The following LOC400499 variants were observed in gnomAD, a reference collection of about 807,000 sequenced individuals.
At chr16:11,392,723 T>C in the LOC400499 span, 1 of 960,344 alleles carries the variant, frequency 1.0e-6, no homozygotes, top group Non-Finnish European at 1.2e-6. Context: ...GCCATAAGGC[T>C]TCAGGGGGTT....
chr16:11,448,611 T>G, the LOC400499 span, among the ~76,000 whole-genome samples: 6 of 152,172 alleles, frequency 3.9e-5, no homozygotes, highest in Non-Finnish European at 8.8e-5. Context: ...CCTATAGTTC[T>G]AACTACTTAG....
chr16:11,426,721 G>T, the LOC400499 span, among the ~76,000 whole-genome samples: 1 of 151,160 alleles, frequency 6.6e-6, no homozygotes, highest in Non-Finnish European at 1.5e-5. Context: ...TTAAGCTCAG[G>T]CATTCCAGAC....
chr16:11,463,623 C>T, the LOC400499 span, among the ~76,000 whole-genome samples: 4 of 152,004 alleles, frequency 2.6e-5, no homozygotes, highest in Non-Finnish European at 5.9e-5. Context: ...TGAATGTATG[C>T]ATACAGATAT....
At chr16:11,503,564 G>A in the LOC400499 span, among the ~76,000 whole-genome samples, 2 of 152,324 alleles carry the variant, frequency 1.3e-5, no homozygotes, top group East Asian at 1.9e-4. Context: ...GTCCTCCGAG[G>A]CTGGGACCTG....
chr16:11,388,280 A>G, the LOC400499 span, among the ~76,000 whole-genome samples: 2 of 152,152 alleles, frequency 1.3e-5, no homozygotes, highest in African/African-American at 4.8e-5. Flanking sequence ...CAGCCAAGCC[A>G]AACCCCGCCC....
At chr16:11,468,002 C>T in the LOC400499 span, among the ~76,000 whole-genome samples, 3 of 152,106 alleles carry the variant, frequency 2.0e-5, no homozygotes, top group South Asian at 4.1e-4. Context: ...AGACAGAAGA[C>T]CACCTCCAAG....
chr16:11,462,930 G>C, the LOC400499 span, among the ~76,000 whole-genome samples: 19 of 152,190 alleles, frequency 1.2e-4, no homozygotes, highest in African/African-American at 4.6e-4. Flanking sequence ...CCCGGTCATC[G>C]GCCTGTCTCA....
At chr16:11,512,332 C>CT in the LOC400499 span, among the ~76,000 whole-genome samples, 1 of 151,604 alleles carries the variant, frequency 6.6e-6, no homozygotes, top group African/African-American at 2.4e-5. Flanking sequence ...GGCACGGTGG[C>CT]TCACGCCTGT....
chr16:11,515,419 G>A, the LOC400499 span, among the ~76,000 whole-genome samples: 4 of 152,024 alleles, frequency 2.6e-5, no homozygotes, highest in Non-Finnish European at 5.9e-5. Flanking sequence ...TCACACCACT[G>A]CACTCCAGCC....
the LOC400499 span, among the ~76,000 whole-genome samples, chr16:11,393,224 G>A: frequency 3.3e-5 from 5 of 149,836 alleles, no homozygotes; most frequent in Admixed American, 2.7e-4. Flanking sequence ...GAACTCCTGA[G>A]CTCAAGCAAT....
chr16:11,457,996 G>C, the LOC400499 span, among the ~76,000 whole-genome samples: 1 of 152,236 alleles, frequency 6.6e-6, no homozygotes, highest in Non-Finnish European at 1.5e-5. Context: ...GGGTTCAGGA[G>C]TTCGAGACCA....
At chr16:11,379,288 C>G in the LOC400499 span, among the ~76,000 whole-genome samples, 1 of 152,176 alleles carries the variant, frequency 6.6e-6, no homozygotes. Context: ...CTACCATTAT[C>G]GTAGACCTAT....
At chr16:11,419,777 G>A in the LOC400499 span, among the ~76,000 whole-genome samples, 1 of 151,928 alleles carries the variant, frequency 6.6e-6, no homozygotes, top group Non-Finnish European at 1.5e-5. Flanking sequence ...TCAAAAAGTG[G>A]GCAAAGGATA....
the LOC400499 span, among the ~76,000 whole-genome samples, chr16:11,522,928 A>G: frequency 6.6e-6 from 1 of 152,152 alleles, no homozygotes; most frequent in Non-Finnish European, 1.5e-5. Flanking sequence ...CTAACCTTCT[A>G]TTGAGGCCAG....
the LOC400499 span, chr16:11,387,182 T>A: frequency 8.1e-7 from 1 of 1,232,020 alleles, no homozygotes; most frequent in South Asian, 4.1e-5. Context: ...CCCAGACAGC[T>A]CTCGGAGCGG....
chr16:11,518,495 C>G, the LOC400499 span, among the ~76,000 whole-genome samples: 1 of 151,982 alleles, frequency 6.6e-6, no homozygotes, highest in African/African-American at 2.4e-5. Flanking sequence ...CCCGGCAGTC[C>G]CATTAGCCGG....
At chr16:11,383,811 CCACACCCTGAGGAGGGACCT>C in the LOC400499 span, 2 of 1,232,300 alleles carry the variant, frequency 1.6e-6, no homozygotes, top group Non-Finnish European at 2.0e-6. Flanking sequence ...GAGTCACTGT[CCACACCCTGAGGAGGGACCT>C]AAGCTTGATG....
At chr16:11,373,257 G>A in the LOC400499 span, among the ~76,000 whole-genome samples, 360 of 152,338 alleles carry the variant, frequency 2.4e-3, 2 homozygotes, top group African/African-American at 7.9e-3. Flanking sequence ...ATCAAGTGGG[G>A]TGGACAAGGG....
chr16:11,501,003 C>T, the LOC400499 span: 24 of 398,970 alleles, frequency 6.0e-5, no homozygotes, highest in East Asian at 6.1e-4. Context: ...ACGTGCTGAG[C>T]GCCTGCAAAG....
Sources: gnomAD v4.1 joint callset for allele counts (sites outside exome capture counted in the v4.1 genomes callset) on GRCh38, gnomAD v4.1.1 for gene constraint, MANE v1.5 for transcripts.